Variants in TBC1D1 observed in about 807,000 individuals in gnomAD.
The protein encoded by TBC1D1 is TBC1 domain family member 1.
Under a neutral mutation model 125.6 loss-of-function variants are expected in TBC1D1, and 89 were observed. That is an observed-to-expected ratio of 0.71 (90% confidence interval 0.60 to 0.85). The LOEUF (loss-of-function observed/expected upper bound fraction) is 0.85, where lower values mean the gene tolerates loss of function less well. TBC1D1 is among the 40% of genes least tolerant of loss of function. The probability of loss-of-function intolerance (pLI) is 0.00; values close to 1 mark genes in which losing one functional copy is unlikely to be tolerated. For synonymous variants in TBC1D1, 565 were observed against 564.1 expected (o/e 1.00, Z -0.02); for missense variants, 1,377 against 1,469.2 (o/e 0.94, Z 1.03).
intron 2 of TBC1D1, chr4:37,996,318 G>A (rs1001388628): frequency 5.1e-6 from 1 of 196,980 alleles, no homozygotes; most frequent in African/African-American, 2.3e-5. Flanking sequence ...ATAACTCCGA[G>A]AATGCCAAGG....
chr4:38,076,894 A>G (rs1343676322), intron 12 of TBC1D1, among the ~76,000 whole-genome samples: 2 of 152,064 alleles, frequency 1.3e-5, no homozygotes, highest in Non-Finnish European at 2.9e-5. Context: ...CATTTGTGCC[A>G]CTGTTGTATT....
rs77698656 is a variant in TBC1D1 at position 38,139,020 on chromosome 4, G to A, written c.*1685G>A. The A allele has an allele frequency of 6.6e-6, 1 of 152,590 alleles. No homozygotes were observed. The highest frequency in any genetic ancestry group is 2.1e-4 in the South Asian group (1 of 4,828). 9.5% of individuals were successfully genotyped at this position (152,590 alleles called of 1,614,324 possible). A position where few individuals can be genotyped will look rare whatever the true frequency, so the allele number is the denominator to read the frequency against. ...GTTCCGCTAGATGTAACTTATAGGA[G>A]TTAACATTTGAGGACTTTGTTCTGC... On this transcript the variant is annotated 3_prime_UTR_variant, in exon 20 of 20. Transcript: ENST00000261439.
chr4:37,980,241 A>T (rs999556723), intron 2 of TBC1D1, among the ~76,000 whole-genome samples: 2 of 151,602 alleles, frequency 1.3e-5, no homozygotes, highest in Non-Finnish European at 2.9e-5. Context: ...ATGTACTTTT[A>T]AAAAAAATTG....
At chr4:38,079,701 C>T (rs1422663498) in intron 12 of TBC1D1, among the ~76,000 whole-genome samples, 1 of 151,000 alleles carries the variant, frequency 6.6e-6, no homozygotes, top group Admixed American at 6.6e-5. Flanking sequence ...GCAGTCCAGC[C>T]TGGGCAACAA....
At chr4:38,123,518 C>T (rs529406109) in intron 17 of TBC1D1, among the ~76,000 whole-genome samples, 11 of 152,332 alleles carry the variant, frequency 7.2e-5, no homozygotes, top group African/African-American at 2.6e-4. Context: ...GTATGTAACA[C>T]TTACCCTGAA....
intron 2 of TBC1D1, among the ~76,000 whole-genome samples, chr4:37,979,170 C>T (rs145375872): frequency 1.9e-3 from 289 of 152,296 alleles, no homozygotes; most frequent in African/African-American, 6.4e-3. Flanking sequence ...AGCCACCACA[C>T]CCGCCCTCAA....
At chr4:37,986,566 C>T (rs528480768) in intron 2 of TBC1D1, among the ~76,000 whole-genome samples, 102 of 152,290 alleles carry the variant, frequency 6.7e-4, no homozygotes, top group African/African-American at 2.4e-3. Context: ...CTGCCTCAGC[C>T]TCCAGAGTAG....
intron 2 of TBC1D1, among the ~76,000 whole-genome samples, chr4:37,922,867 C>A (rs1039779584): frequency 6.6e-6 from 1 of 152,116 alleles, no homozygotes; most frequent in South Asian, 2.1e-4. Context: ...GAAAAAGAAT[C>A]TCTCACAGGG....
chr4:37,984,935 T>A (rs191332428), intron 2 of TBC1D1, among the ~76,000 whole-genome samples: 73 of 152,126 alleles, frequency 4.8e-4, no homozygotes, highest in African/African-American at 1.7e-3. Context: ...TAGGAAGACC[T>A]TTATTTGGTT....
At chr4:37,891,928 T>C (rs1713423400) in intron 1 of TBC1D1, among the ~76,000 whole-genome samples, 1 of 151,774 alleles carries the variant, frequency 6.6e-6, no homozygotes, top group Non-Finnish European at 1.5e-5. Flanking sequence ...TTGTTTTTGC[T>C]TTTTTTTCAG....
At chr4:37,913,542 T>A (rs1240680123) in intron 2 of TBC1D1, among the ~76,000 whole-genome samples, 2 of 151,914 alleles carry the variant, frequency 1.3e-5, no homozygotes, top group African/African-American at 4.8e-5. Context: ...GAGGTTGCGG[T>A]GAGCTGAGAT....
intron 13 of TBC1D1, among the ~76,000 whole-genome samples, chr4:38,092,024 A>ATAT (rs927810146): frequency 1.1e-3 from 166 of 152,378 alleles, no homozygotes; most frequent in African/African-American, 3.7e-3. Context: ...GGAAGTATTA[A>ATAT]TCCATTGTAT....
In TBC1D1 at chr4:37,891,542, C is replaced by T. The variant is rs1033808149; in HGVS notation, c.-94+194C>T. Among the ~76,000 whole-genome samples, 47 of 140,428 alleles carry T rather than the reference C, an allele frequency of 3.3e-4. No homozygotes were observed. In the East Asian group the frequency reaches 9.8e-3, roughly 29 times the overall value. The allele number at this position is 140,428 out of a possible 152,430, so 92.1% of individuals were successfully genotyped here. A position where few individuals can be genotyped will look rare whatever the true frequency, so the allele number is the denominator to read the frequency against. On this transcript the variant is annotated intron_variant, in intron 1 of 19. Coordinates refer to ENST00000261439, the MANE Select transcript of TBC1D1 (RefSeq NM_015173.4). ...CATCTCGTTGCCCCCCTTACCCCCC[C>T]ACCCCCGCCGCCCTTGGACGAAAGC...
chr4:37,901,579 A>G (rs908239874), intron 1 of TBC1D1, among the ~76,000 whole-genome samples: 3 of 116,454 alleles, frequency 2.6e-5, no homozygotes, highest in Admixed American at 8.1e-5. Context: ...AGACATGTTA[A>G]TGGAAGGTGG....
intron 13 of TBC1D1, among the ~76,000 whole-genome samples, chr4:38,091,920 A>G (rs1758493257): frequency 6.6e-6 from 1 of 152,090 alleles, no homozygotes; most frequent in South Asian, 2.1e-4. Context: ...TTTTATTTTT[A>G]CTGTTTGACT....
Position 38,014,729 on chromosome 4 carries a change from G to GC in TBC1D1, c.642dup (p.Asn215GlnfsTer33). ...GGCAGCCGGGGGTCCGAGAGCCCCCGCCCCAACCCGCCCCATGCCGCGCCC... is the reference window on the plus strand; with the variant it reads ...GGCAGCCGGGGGTCCGAGAGCCCCCGCCCCCAACCCGCCCCATGCCGCGCCC... On this transcript the variant is annotated frameshift_variant, in exon 3 of 20. Transcript: ENST00000261439. LOFTEE classifies it high-confidence loss of function. This position sits in a 1 kb window ranked among gnomAD's most constrained non-coding sequence, Gnocchi z 5.1. The GC allele has an allele frequency of 2.5e-6, 2 of 806,280 alleles. No individual in the cohort carries two copies. The highest frequency in any genetic ancestry group is 4.0e-6 in the Non-Finnish European group (2 of 497,366). 49.9% of individuals were successfully genotyped at this position (806,280 alleles called of 1,614,324 possible).
At chr4:38,121,767 C>A (rs1763896961) in intron 17 of TBC1D1, among the ~76,000 whole-genome samples, 1 of 151,950 alleles carries the variant, frequency 6.6e-6, no homozygotes, top group African/African-American at 2.4e-5. Context: ...GGAAGACAGG[C>A]AAAATAAAAA....
intron 6 of TBC1D1, among the ~76,000 whole-genome samples, chr4:38,022,747 G>A (rs1039918397): frequency 1.3e-5 from 2 of 152,208 alleles, no homozygotes; most frequent in African/African-American, 4.8e-5. Flanking sequence ...GTGAAAGGGA[G>A]TGGTGATATG....
chr4:38,135,843 AATATAT>A (rs1227457371), intron 19 of TBC1D1, among the ~76,000 whole-genome samples: 18 of 131,448 alleles, frequency 1.4e-4, no homozygotes, highest in African/African-American at 4.9e-4. Flanking sequence ...AAAAATGAAA[AATATAT>A]ATATATGTGT....
Sources: gnomAD v4.1 joint callset for allele counts (sites outside exome capture counted in the v4.1 genomes callset) on GRCh38, gnomAD v4.1.1 for gene constraint, Gnocchi (gnomAD v3.1) non-coding constraint, MANE v1.5 for transcripts, NCBI Gene and HGNC (gene_info 2026-07-23, HGNC 2026-07-21) for gene names.